The following PHF24 variants were observed in gnomAD, a reference collection of about 807,000 sequenced individuals.
The protein encoded by PHF24 is Galpha inhibitory interacting protein.
In PHF24, 25 loss-of-function variants were observed where a neutral mutation model predicts 42.6. That is an observed-to-expected ratio of 0.59 (90% CI 0.43 to 0.82). PHF24 has a LOEUF of 0.82. Ranked by LOEUF, PHF24 falls within the 40% of genes least tolerant of loss-of-function variation. The pLI, the probability that PHF24 is intolerant of heterozygous loss-of-function variation, is 0.00. For synonymous variants in PHF24, 185 were observed against 204.8 expected, an observed-to-expected ratio of 0.90 and a Z score of 0.83; for missense variants, 470 against 538.1, an observed-to-expected ratio of 0.87 and a Z score of 1.25.
At chr9:34,807,070 A>G in the PHF24 span, among the ~76,000 whole-genome samples, 10 of 152,288 alleles carry the variant, frequency 6.6e-5, no homozygotes, top group South Asian at 1.9e-3. Flanking sequence ...TAGAACCTCT[A>G]GTACAATGTT....
At chr9:34,770,974 A>G in the PHF24 span, among the ~76,000 whole-genome samples, 9 of 152,180 alleles carry the variant, frequency 5.9e-5, no homozygotes, top group Non-Finnish European at 1.2e-4. Flanking sequence ...TTAGCCAAGC[A>G]TTGTGGCGCA....
chr9:34,669,860 G>A, the PHF24 span, among the ~76,000 whole-genome samples: 4 of 152,258 alleles, frequency 2.6e-5, no homozygotes, highest in East Asian at 5.8e-4. Context: ...GCTAAGAGAT[G>A]AGATGGCTCA....
chr9:34,832,419 AG>A, the PHF24 span: 6 of 1,278,170 alleles, frequency 4.7e-6, no homozygotes, highest in Non-Finnish European at 5.5e-6. Context: ...CTTATTGTCT[AG>A]GGACTGGGGA....
chr9:34,908,489 A>G, the PHF24 span, among the ~76,000 whole-genome samples: 1 of 152,240 alleles, frequency 6.6e-6, no homozygotes, highest in Admixed American at 6.5e-5. Flanking sequence ...GTGGAGAAAA[A>G]TAAAGAAGAG....
At chr9:34,976,030 G>C in intron 3 of PHF24, 122 bp from the exon 4 acceptor site, 1 of 708,820 alleles carries the variant, frequency 1.4e-6, no homozygotes, top group Non-Finnish European at 2.5e-6. Context: ...ATTGTGAATA[G>C]GAGGCTGGGA....
chr9:34,859,822 C>A, the PHF24 span, among the ~76,000 whole-genome samples: 1 of 152,164 alleles, frequency 6.6e-6, no homozygotes, highest in Non-Finnish European at 1.5e-5. Flanking sequence ...TCTACTCTTG[C>A]TGTTGGCATA....
chr9:34,912,562 T>C, the PHF24 span, among the ~76,000 whole-genome samples: 3 of 152,288 alleles, frequency 2.0e-5, no homozygotes, highest in South Asian at 2.1e-4. Context: ...CGAACTGCCA[T>C]ATAGCCCATC....
chr9:34,730,281 C>T, the PHF24 span, among the ~76,000 whole-genome samples: 2 of 152,180 alleles, frequency 1.3e-5, no homozygotes, highest in African/African-American at 4.8e-5. Flanking sequence ...TTTTCCAATT[C>T]AGCTTCAGGA....
chr9:34,894,843 G>A, the PHF24 span, among the ~76,000 whole-genome samples: 1 of 152,286 alleles, frequency 6.6e-6, no homozygotes, highest in East Asian at 1.9e-4. Flanking sequence ...AGGAGGATAA[G>A]ATAGAGAATT....
the PHF24 span, among the ~76,000 whole-genome samples, chr9:34,782,553 A>G: frequency 0.55 from 82,992 of 151,976 alleles, 24,176 homozygotes; most frequent in Middle Eastern, 0.65. Flanking sequence ...CCAGTGACTC[A>G]TCCTGTCACT....
At chr9:34,848,733 C>A in the PHF24 span, among the ~76,000 whole-genome samples, 2 of 151,534 alleles carry the variant, frequency 1.3e-5, no homozygotes, top group Non-Finnish European at 1.5e-5. Context: ...CTCTTATGGG[C>A]ATTTAGTGCT....
chr9:34,827,859 C>T, the PHF24 span, among the ~76,000 whole-genome samples: 1 of 152,250 alleles, frequency 6.6e-6, no homozygotes, highest in South Asian at 2.1e-4. Flanking sequence ...GGGATGCCAC[C>T]CTTGCCCTAT....
chr9:34,851,104 C>G, the PHF24 span, among the ~76,000 whole-genome samples: 1 of 152,022 alleles, frequency 6.6e-6, no homozygotes. Flanking sequence ...CAGCTGCATG[C>G]TAGGAGAACC....
the PHF24 span, among the ~76,000 whole-genome samples, chr9:34,668,079 G>A: frequency 1.3e-5 from 2 of 152,150 alleles, no homozygotes; most frequent in African/African-American, 4.8e-5. Context: ...CAGGAATTGG[G>A]TGTTGATTTG....
At chr9:34,675,730 G>A in the PHF24 span, among the ~76,000 whole-genome samples, 1 of 152,160 alleles carries the variant, frequency 6.6e-6, no homozygotes, top group African/African-American at 2.4e-5. Flanking sequence ...CTGAACCTCA[G>A]GGTGCCTGGG....
At chr9:34,694,156 A>ATT in the PHF24 span, among the ~76,000 whole-genome samples, 8 of 73,366 alleles carry the variant, frequency 1.1e-4, no homozygotes, top group Non-Finnish European at 2.3e-4. Context: ...GTCTATCTCT[A>ATT]TTCTTTTTTT....
At chr9:34,965,320 A>T (rs13291767) in intron 1 of PHF24, among the ~76,000 whole-genome samples, 432 of 152,352 alleles carry the variant, frequency 2.8e-3, no homozygotes, top group Non-Finnish European at 4.6e-3. Flanking sequence ...GTGTCTTCAC[A>T]GTTTACTGTC....
chr9:34,689,919 G>A, the PHF24 span: 2 of 1,614,016 alleles, frequency 1.2e-6, no homozygotes, highest in African/African-American at 1.3e-5. The surrounding 1 kb of genome is among the most constrained non-coding windows in gnomAD (Gnocchi z 4.1). Flanking sequence ...GCCAGGGAGG[G>A]CCAGGCTTGC....
At chr9:34,892,956 TA>T in the PHF24 span, 2 of 693,172 alleles carry the variant, frequency 2.9e-6, no homozygotes, top group Non-Finnish European at 2.6e-6. Flanking sequence ...TGACTATGCT[TA>T]AAAGACACAC....
Sources: allele counts gnomAD v4.1 joint callset (sites outside exome capture counted in the v4.1 genomes callset), GRCh38; gene constraint gnomAD v4.1.1; non-coding constraint Gnocchi (gnomAD v3.1); transcripts MANE v1.5; gene names NCBI Gene and HGNC (gene_info 2026-07-23, HGNC 2026-07-21).